Variants in RYR1 observed in about 807,000 individuals in gnomAD.
RYR1 encodes ryanodine receptor 1.
In RYR1, 342 loss-of-function variants were observed where a neutral mutation model predicts 583.5. The observed-to-expected ratio is 0.59, with a 90% CI of 0.54 to 0.64. The LOEUF is 0.64. Among genes scored for constraint, RYR1 ranks in the 30% least tolerant of loss-of-function variants. The pLI is 0.00. For missense variants in RYR1, 6,032 were observed against 6,917.2 expected, an observed-to-expected ratio of 0.87 and a Z score of 4.54; for synonymous variants, 2,791 against 2,822.5, an observed-to-expected ratio of 0.99 and a Z score of 0.35.
intron 83 of RYR1, among the ~76,000 whole-genome samples, chr19:38,537,429 A>AT: frequency 6.6e-6 from 1 of 151,886 alleles, no homozygotes; most frequent in East Asian, 1.9e-4. Flanking sequence ...TTCAATCCCC[A>AT]TCCCTTATCC....
In RYR1 at chr19:38,492,477, T is replaced by G. The variant is rs1969594703; in HGVS notation, c.6128-13T>G. The G allele has an allele frequency of 1.2e-6, 2 of 1,614,086 alleles. No individual in the cohort carries two copies. Among genetic ancestry groups the G allele is most frequent in the Non-Finnish European group, 1.7e-6 (2 of 1,180,004 alleles). ...TAATGAATGACATTTCCCGCCTTCT[T>G]GACCACTTCCAGGAATTCAGCTAGA... On this transcript the variant is annotated splice_polypyrimidine_tract_variant and intron_variant, in intron 37 of 105. Transcript: ENST00000359596.
chr19:38,505,247 G>T, intron 52 of RYR1, 62 bp from the exon 53 acceptor site: 3 of 1,289,530 alleles, frequency 2.3e-6, no homozygotes, highest in South Asian at 2.5e-5. Context: ...GGCTCCTCCA[G>T]GGTCGCCCCG....
chr19:38,506,228 GGGCCTGGGGAGGGGCT>G, intron 54 of RYR1, 59 bp from the exon 55 acceptor site: 2 of 1,482,802 alleles, frequency 1.3e-6, no homozygotes, highest in Non-Finnish European at 1.9e-6. Flanking sequence ...TGGACTAGTG[GGGCCTGGGGAGGGGCT>G]GGCCTGGGCT....
intron 39 of RYR1, among the ~76,000 whole-genome samples, chr19:38,495,547 A>G (rs1469621933): frequency 6.6e-6 from 1 of 151,738 alleles, no homozygotes; most frequent in Non-Finnish European, 1.5e-5. Context: ...GGGTCTTGCT[A>G]TGTTGCCCAG....
intron 101 of RYR1, among the ~76,000 whole-genome samples, chr19:38,583,977 A>G (rs1363324069): frequency 1.3e-5 from 2 of 151,852 alleles, no homozygotes; most frequent in East Asian, 1.9e-4. Context: ...CAGCAGCAGG[A>G]TGTACTCTTT....
chr19:38,540,406 ACC>A (rs1281005935), intron 84 of RYR1, among the ~76,000 whole-genome samples: 20 of 137,112 alleles, frequency 1.5e-4, no homozygotes, highest in African/African-American at 5.2e-4. Context: ...AGTATAATAA[ACC>A]TCCAATCATA....
At chr19:38,480,405 A>C (rs1968950625) in intron 31 of RYR1, among the ~76,000 whole-genome samples, 1 of 152,078 alleles carries the variant, frequency 6.6e-6, no homozygotes, top group South Asian at 2.1e-4. Context: ...CAGCCTCCCA[A>C]AGTGATGGGA....
At position 38,525,492 on chromosome 19, in the gene RYR1, G is replaced by A. The variant is rs143987857; in HGVS notation, c.10616G>A (p.Arg3539His). The change falls in exon 71 of 106, where the codon CGT becomes CAT. Residue 3539 changes from arginine to histidine, a missense_variant. Transcript: ENST00000359596. Reference protein sequence around the residue: ...DQDLITLAKTRYALKDTDEEV... With the variant: ...DQDLITLAKTHYALKDTDEEV... Reference sequence around the variant, plus strand: ...GACCTCATCACGCTGGCCAAGACCCGTTACGCCCTGGTGCCTGCCCAGCCC... The same window carrying A: ...GACCTCATCACGCTGGCCAAGACCCATTACGCCCTGGTGCCTGCCCAGCCC... 2.2e-3 allele frequency: 3,521 copies of A among 1,613,774 alleles called. 7 individuals carry two copies. The highest frequency in any genetic ancestry group is 2.8e-3 in the Non-Finnish European group (3,246 of 1,179,912).
chr19:38,467,178 T>C (rs372173080), intron 24 of RYR1, among the ~76,000 whole-genome samples: 17 of 152,240 alleles, frequency 1.1e-4, no homozygotes, highest in African/African-American at 4.1e-4. Flanking sequence ...ACCCTGGCCA[T>C]GGTCCCCAAC....
rs118204423 is a variant in RYR1, at chr19:38,457,539, G to A, written c.1834G>A (p.Ala612Thr). 20 of 1,613,924 alleles carry A rather than the reference G, an allele frequency of 1.2e-5. No individual in the cohort carries two copies. The East Asian group carries it at 4.0e-4, about 32-fold the overall frequency. Residue 612 changes from alanine to threonine, a missense_variant, in exon 17 of 106, where the codon GCT (alanine) becomes ACT (threonine). By Grantham distance (58) the Ala-to-Thr change is moderately conservative. This residue lies in a region of RYR1 where 2,627 missense variants were observed against 2,961.3 expected (regional missense o/e 0.89). Coordinates refer to ENST00000359596, the MANE Select transcript of RYR1 (RefSeq NM_000540.3). ...LCSLCVCNGV[A>T]VRSNQDLITE... is the part of the protein sequence containing the mutation. ...CTCCCTGTGTGTGTGTAATGGTGTG[G>A]CTGTACGCTCCAACCAAGATCTTAT...
Position 38,527,016 on chromosome 19 carries a change from G to A in RYR1, c.10650G>A (p.Arg3550=), listed in dbSNP as rs779238365. 2.5e-6 allele frequency: 4 copies of A among 1,613,960 alleles called. No homozygotes were observed. Among genetic ancestry groups the A allele is most frequent in the Non-Finnish European group, 3.4e-6 (4 of 1,179,918 alleles). The change falls in exon 72 of 106, where the codon CGG becomes CGA. Residue 3550 remains arginine, a synonymous_variant. Transcript: ENST00000359596. ...AGAAAGACACAGATGAGGAGGTCCG[G>A]GAATTTCTGCACAACAACCTTCACC... ...YALKDTDEEV[R]EFLHNNLHLQ...
intron 76 of RYR1, among the ~76,000 whole-genome samples, chr19:38,530,630 G>A (rs528413392): frequency 1.5e-3 from 226 of 152,204 alleles, no homozygotes; most frequent in African/African-American, 5.1e-3. Context: ...ACTGGGCAGT[G>A]GCACAGGGAC....
At position 38,507,123 on chromosome 19, in the gene RYR1, C is replaced by A. The variant is rs2960348; in HGVS notation, c.8816+171C>A. On this transcript the variant is annotated intron_variant, in intron 57 of 105. Transcript: ENST00000359596. ...TGGGGCCTGGACACAGAGGCGGGGC[C>A]AGATGGGGAGGAGTTCGAAATGGGC... 0.32 allele frequency among the ~76,000 whole-genome samples: 47,397 copies of A among 147,072 alleles called. 8,041 individuals carry two copies. Among genetic ancestry groups the A allele is most frequent in the South Asian group, 0.46 (2,116 of 4,618 alleles).
At chr19:38,526,349 C>T (rs1036711298) in intron 71 of RYR1, among the ~76,000 whole-genome samples, 4 of 151,666 alleles carry the variant, frequency 2.6e-5, no homozygotes, top group African/African-American at 9.7e-5. Context: ...CCCCCCAGGA[C>T]CACACCAACA....
chr19:38,467,579 C>G, intron 24 of RYR1, 31 bp from the exon 25 acceptor site: 2 of 1,611,576 alleles, frequency 1.2e-6, no homozygotes. Flanking sequence ...TCTTCCCTAG[C>G]CTCTCTGACT....
intron 31 of RYR1, among the ~76,000 whole-genome samples, chr19:38,481,842 C>A (rs779469000): frequency 7.2e-5 from 11 of 152,032 alleles, no homozygotes; most frequent in Non-Finnish European, 1.5e-5. Flanking sequence ...AATCCCAGCA[C>A]TTTGGGAGGC....
intron 42 of RYR1, among the ~76,000 whole-genome samples, chr19:38,497,800 C>A (rs1342671911): frequency 6.6e-6 from 1 of 151,938 alleles, no homozygotes; most frequent in Non-Finnish European, 1.5e-5. Context: ...ATAGGGACAC[C>A]TTGTCTCTAC....
At chr19:38,457,657 A>T in intron 17 of RYR1, 27 bp downstream of exon 17, 1 of 1,611,900 alleles carries the variant, frequency 6.2e-7, no homozygotes, top group Non-Finnish European at 8.5e-7. Flanking sequence ...CTGACCCCAG[A>T]ACTCAGAACC....
chr19:38,494,336 A>G lies in RYR1; in HGVS notation c.6275-16A>G, dbSNP rs756330887. ...CCCTGCATGGTGCTCCAAGCCTTGC[A>G]TTGTCTCCTTCCCAGGGTCCCTGCA... is the stretch of plus-strand genomic sequence containing the variant. On this transcript the variant is annotated splice_polypyrimidine_tract_variant and intron_variant, in intron 38 of 105. Transcript: ENST00000359596. The G allele has an allele frequency of 2.5e-5, 40 of 1,611,010 alleles. No individual in the cohort carries two copies. Among genetic ancestry groups the G allele is most frequent in the South Asian group, 4.4e-5 (4 of 90,992 alleles).
Sources: allele counts gnomAD v4.1 joint callset (sites outside exome capture counted in the v4.1 genomes callset), GRCh38; gene constraint gnomAD v4.1.1; regional missense constraint gnomAD v4.1.1; transcripts MANE v1.5; gene names NCBI Gene and HGNC (gene_info 2026-07-23, HGNC 2026-07-21).